Variants in FAM171A1 observed in about 807,000 individuals in gnomAD.
FAM171A1 encodes protein FAM171A1.
In FAM171A1, 23 loss-of-function variants were observed where a neutral mutation model predicts 74.9. The observed-to-expected ratio is 0.31, with a 90% confidence interval of 0.22 to 0.44. FAM171A1 has a LOEUF of 0.44. Among genes scored for constraint, FAM171A1 ranks in the 20% least tolerant of loss-of-function variants. The probability of loss-of-function intolerance (pLI) is 1.00; values close to 1 mark genes in which losing one functional copy is unlikely to be tolerated. For synonymous variants in FAM171A1, 527 were observed against 505.7 expected (o/e 1.04, Z -0.57); for missense variants, 1,162 against 1,159.2 (o/e 1.00, Z -0.03).
intron 1 of FAM171A1, among the ~76,000 whole-genome samples, chr10:15,298,300 A>G (rs1484183676): frequency 6.6e-6 from 1 of 152,004 alleles, no homozygotes; most frequent in Non-Finnish European, 1.5e-5. Flanking sequence ...ACACCCGGCT[A>G]ATTTTGTATT....
intron 1 of FAM171A1, among the ~76,000 whole-genome samples, chr10:15,370,240 CTT>C (rs34087157): frequency 6.0e-4 from 66 of 110,840 alleles, no homozygotes; most frequent in African/African-American, 5.3e-4. Flanking sequence ...AAGGATTTTT[CTT>C]TTTTTTTTTT....
chr10:15,242,582 A>G (rs113682006), intron 5 of FAM171A1, among the ~76,000 whole-genome samples: 18,519 of 152,284 alleles, frequency 0.12, 1,214 homozygotes, highest in Middle Eastern at 0.18. Context: ...CAGGAATTTG[A>G]GACCAGCCCG....
At chr10:15,235,165 C>G (rs1281247742) in intron 5 of FAM171A1, among the ~76,000 whole-genome samples, 1 of 152,018 alleles carries the variant, frequency 6.6e-6, no homozygotes, top group East Asian at 1.9e-4. Context: ...CAAAAATTAG[C>G]TGGGCAGGCG....
chr10:15,316,835 C>A (rs901966504), intron 1 of FAM171A1, among the ~76,000 whole-genome samples: 4 of 152,188 alleles, frequency 2.6e-5, no homozygotes, highest in Non-Finnish European at 4.4e-5. Flanking sequence ...AAGTCTCCAA[C>A]GCACATGTGC....
intron 1 of FAM171A1, among the ~76,000 whole-genome samples, chr10:15,319,458 A>T (rs1835461159): frequency 6.6e-6 from 1 of 152,126 alleles, no homozygotes; most frequent in Non-Finnish European, 1.5e-5. Flanking sequence ...TTTGACATGG[A>T]GTCTCACCCT....
chr10:15,342,596 A>G (rs1835777193), intron 1 of FAM171A1, among the ~76,000 whole-genome samples: 1 of 152,050 alleles, frequency 6.6e-6, no homozygotes, highest in African/African-American at 2.4e-5. Flanking sequence ...AAAAAAACAC[A>G]TAACGGGTGT....
Position 15,284,223 on chromosome 10 carries a change from C to T in FAM171A1, c.98-118G>A, listed in dbSNP as rs576686248. 3.6e-5 allele frequency: 31 copies of T among 853,192 alleles called. No homozygotes were observed. The African/African-American group carries it at 4.7e-4, about 13-fold the overall frequency. 52.9% of individuals were successfully genotyped at this position (853,192 alleles called of 1,614,324 possible). A position where few individuals can be genotyped will look rare whatever the true frequency, so the allele number is the denominator to read the frequency against. On this transcript the variant is annotated intron_variant, in intron 1 of 7. Transcript: ENST00000378116. ...CTCTGTAAGGACATCAAGGTTGACACTCAAAATATGCAGTTTTTACCAGAG... is the reference window on the plus strand; with the variant it reads ...CTCTGTAAGGACATCAAGGTTGACATTCAAAATATGCAGTTTTTACCAGAG...
intron 2 of FAM171A1, among the ~76,000 whole-genome samples, chr10:15,280,583 A>T (rs1314397969): frequency 1.3e-5 from 2 of 152,144 alleles, no homozygotes; most frequent in Non-Finnish European, 2.9e-5. Flanking sequence ...CCCTTCCTTG[A>T]AAGTGAAAAA....
At position 15,371,126 on chromosome 10, in the gene FAM171A1, G is replaced by A; in HGVS notation, c.-74C>T. On this transcript the variant is annotated 5_prime_UTR_variant, in exon 1 of 8. Transcript: ENST00000378116. ...GCGGCGGCGCGTCACGGGCGGCCGG[G>A]CGCCGCGCCCCCCTCCATGTCGCTG... The A allele has an allele frequency of 1.6e-6, 1 of 614,842 alleles. No individual in the cohort carries two copies. Among genetic ancestry groups the A allele is most frequent in the Non-Finnish European group, 2.0e-6 (1 of 495,200 alleles). The allele number at this position is 614,842 out of a possible 1,614,324, so 38.1% of individuals were successfully genotyped here.
intron 1 of FAM171A1, among the ~76,000 whole-genome samples, chr10:15,298,195 T>C (rs1314271264): frequency 5.2e-4 from 79 of 152,256 alleles, no homozygotes; most frequent in Non-Finnish European, 5.9e-5. Context: ...TGGCACAATC[T>C]TGGCCCTCTG....
intron 3 of FAM171A1, among the ~76,000 whole-genome samples, chr10:15,258,621 C>T (rs1433286687): frequency 1.3e-5 from 2 of 152,206 alleles, no homozygotes; most frequent in African/African-American, 4.8e-5. Flanking sequence ...CTTCTACCCA[C>T]AATGCATGCT....
intron 1 of FAM171A1, among the ~76,000 whole-genome samples, chr10:15,324,140 A>G (rs1835520899): frequency 1.3e-5 from 2 of 152,212 alleles, no homozygotes; most frequent in Admixed American, 1.3e-4. Flanking sequence ...CACGTGTAAA[A>G]TTTAGGATGG....
At chr10:15,263,750 TC>T (rs1834695584) in intron 3 of FAM171A1, among the ~76,000 whole-genome samples, 1 of 143,452 alleles carries the variant, frequency 7.0e-6, no homozygotes, top group Non-Finnish European at 1.5e-5. Flanking sequence ...TGTCTATCTA[TC>T]TATCTATCTA....
chr10:15,228,867 T>C (rs894588300), intron 5 of FAM171A1, among the ~76,000 whole-genome samples: 2 of 152,252 alleles, frequency 1.3e-5, no homozygotes, highest in African/African-American at 4.8e-5. Flanking sequence ...GTGACATCAC[T>C]GAACCACTGG....
intron 1 of FAM171A1, among the ~76,000 whole-genome samples, chr10:15,318,705 C>T (rs79624067): frequency 1.3e-5 from 2 of 152,114 alleles, no homozygotes; most frequent in East Asian, 1.9e-4. Context: ...TATTTTAATT[C>T]TCATCCCCTC....
chr10:15,249,249 A>C (rs1273034756), intron 4 of FAM171A1, among the ~76,000 whole-genome samples: 8 of 151,782 alleles, frequency 5.3e-5, no homozygotes, highest in Admixed American at 2.6e-4. Context: ...GGCTTCCACT[A>C]CCCTGATGGA....
chr10:15,271,819 C>T (rs1834828807), intron 3 of FAM171A1, among the ~76,000 whole-genome samples: 1 of 152,134 alleles, frequency 6.6e-6, no homozygotes, highest in South Asian at 2.1e-4. Context: ...AAATCCTTTA[C>T]AGACAAGCAA....
chr10:15,352,012 AC>A (rs1293717393), intron 1 of FAM171A1, among the ~76,000 whole-genome samples: 1 of 151,748 alleles, frequency 6.6e-6, no homozygotes, highest in Non-Finnish European at 1.5e-5. Context: ...ACATGGTGAA[AC>A]CCTGTCTCTA....
intron 1 of FAM171A1, among the ~76,000 whole-genome samples, chr10:15,294,279 T>C (rs1171795305): frequency 6.6e-6 from 1 of 152,146 alleles, no homozygotes; most frequent in East Asian, 1.9e-4. Flanking sequence ...CTGGGGACCA[T>C]CTCTTTGAAA....
Sources: gnomAD v4.1 joint callset for allele counts (sites outside exome capture counted in the v4.1 genomes callset) on GRCh38, gnomAD v4.1.1 for gene constraint, MANE v1.5 for transcripts, NCBI Gene and HGNC (gene_info 2026-07-23, HGNC 2026-07-21) for gene names.